GPM6A: variants seen among roughly 807,000 people sequenced by gnomAD.
The protein encoded by GPM6A is neuronal membrane glycoprotein M6-a.
GPM6A carries 7 observed loss-of-function variants against 32.1 expected under a neutral mutation model. The observed-to-expected ratio is 0.22, with a 90% CI of 0.12 to 0.41. The LOEUF (loss-of-function observed/expected upper bound fraction) is 0.41. Among genes scored for constraint, GPM6A ranks in the 10% least tolerant of loss-of-function variants. The pLI is 1.00. For synonymous variants in GPM6A, 130 were observed against 123.4 expected, an observed-to-expected ratio of 1.05 and a Z score of -0.35; for missense variants, 235 against 347.2, an observed-to-expected ratio of 0.68 and a Z score of 2.57.
chr4:175,955,243 T>C (rs1739947787), intron 1 of GPM6A, among the ~76,000 whole-genome samples: 2 of 152,192 alleles, frequency 1.3e-5, no homozygotes, highest in Non-Finnish European at 2.9e-5. Context: ...CTGGGGTCCA[T>C]GGGAGAAAGG....
intron 1 of GPM6A, among the ~76,000 whole-genome samples, chr4:175,858,996 A>T (rs1486949787): frequency 6.6e-6 from 1 of 152,246 alleles, no homozygotes; most frequent in African/African-American, 2.4e-5. Flanking sequence ...GATTTCATTT[A>T]TCTGAAATTC....
intron 1 of GPM6A, among the ~76,000 whole-genome samples, chr4:175,720,469 A>G (rs867267188): frequency 6.6e-6 from 1 of 152,226 alleles, no homozygotes; most frequent in African/African-American, 2.4e-5. Context: ...TAAATAAAAC[A>G]TTAGATCTTT....
intron 1 of GPM6A, among the ~76,000 whole-genome samples, chr4:175,810,749 G>T (rs1171118067): frequency 7.2e-5 from 11 of 152,128 alleles, no homozygotes. Context: ...AAAAGATGTT[G>T]TCATAAGGTA....
chr4:175,668,542 T>TGTGTGTGTGTGTGTGTGTGTGTGTGTG (rs1560863089), intron 3 of GPM6A, among the ~76,000 whole-genome samples: 29 of 151,600 alleles, frequency 1.9e-4, no homozygotes, highest in South Asian at 4.2e-4. Context: ...TGTGTGTGTG[T>TGTGTGTGTGTGTGTGTGTGTGTGTGTG]TTATTTTAAA....
chr4:175,702,701 G>C (rs1477651395), intron 1 of GPM6A, among the ~76,000 whole-genome samples: 1 of 152,082 alleles, frequency 6.6e-6, no homozygotes, highest in Non-Finnish European at 1.5e-5. Context: ...ATTTTTAGTA[G>C]AGACAGGGTT....
At chr4:175,950,393 T>C (rs1739767271) in intron 1 of GPM6A, among the ~76,000 whole-genome samples, 1 of 152,174 alleles carries the variant, frequency 6.6e-6, no homozygotes, top group Non-Finnish European at 1.5e-5. Context: ...TCCAAGCACA[T>C]AATATGTTCT....
intron 1 of GPM6A, among the ~76,000 whole-genome samples, chr4:175,716,646 A>C (rs966329476): frequency 1.3e-5 from 2 of 152,178 alleles, no homozygotes; most frequent in African/African-American, 4.8e-5. Flanking sequence ...ACACAAACAC[A>C]CAAAACAACA....
chr4:175,962,017 A>G, intron 1 of GPM6A: 2 of 590,002 alleles, frequency 3.4e-6, no homozygotes, highest in Non-Finnish European at 3.1e-6. Flanking sequence ...ACAACTGAAA[A>G]TGTTCACGTC....
chr4:175,885,767 C>A (rs77774984), intron 1 of GPM6A, among the ~76,000 whole-genome samples: 1 of 152,126 alleles, frequency 6.6e-6, no homozygotes, highest in African/African-American at 2.4e-5. Flanking sequence ...TAGTCTTAAT[C>A]GGGGTGGTGG....
intron 1 of GPM6A, among the ~76,000 whole-genome samples, chr4:175,930,584 T>A (rs1377814038): frequency 6.6e-6 from 1 of 152,048 alleles, no homozygotes; most frequent in East Asian, 1.9e-4. Context: ...AGAACCTTTT[T>A]TTGCTTGGTG....
intron 1 of GPM6A, among the ~76,000 whole-genome samples, chr4:175,867,110 T>A (rs1579579931): frequency 6.6e-6 from 1 of 152,208 alleles, no homozygotes; most frequent in African/African-American, 2.4e-5. Context: ...ATTTTTAAAT[T>A]TCTTCCTGTC....
chr4:175,834,230 C>A (rs1560956840), intron 1 of GPM6A, among the ~76,000 whole-genome samples: 1 of 152,154 alleles, frequency 6.6e-6, no homozygotes, highest in Non-Finnish European at 1.5e-5. Flanking sequence ...TAGAATGTCC[C>A]TACGCCTCAA....
At chr4:175,999,461 A>G (rs1182292693) in intron 1 of GPM6A, among the ~76,000 whole-genome samples, 4 of 152,326 alleles carry the variant, frequency 2.6e-5, no homozygotes, top group South Asian at 2.1e-4. Context: ...GAGGACATCA[A>G]TGAGGAAATC....
chr4:175,820,775 A>G (rs1017281230), intron 1 of GPM6A, among the ~76,000 whole-genome samples: 2 of 152,148 alleles, frequency 1.3e-5, no homozygotes, highest in Non-Finnish European at 2.9e-5. Flanking sequence ...CTGGGATTAC[A>G]GGCATGAGCC....
chr4:175,858,538 A>G (rs1396972169), intron 1 of GPM6A, among the ~76,000 whole-genome samples: 1 of 148,718 alleles, frequency 6.7e-6, no homozygotes, highest in Non-Finnish European at 1.5e-5. Context: ...TTTCAAAAAA[A>G]AAAAAAAGAA....
At chr4:175,738,611 T>C (rs547059261) in intron 1 of GPM6A, among the ~76,000 whole-genome samples, 2 of 151,434 alleles carry the variant, frequency 1.3e-5, no homozygotes, top group South Asian at 4.2e-4. Flanking sequence ...ATGGGAAAAA[T>C]AGAGGGCTCA....
At chr4:175,729,909 A>AATAT (rs201172135) in intron 1 of GPM6A, among the ~76,000 whole-genome samples, 1 of 146,752 alleles carries the variant, frequency 6.8e-6, no homozygotes, top group African/African-American at 2.5e-5. Flanking sequence ...GTATTCAAAT[A>AATAT]ATATATATAT....
chr4:175,853,504 C>CTT (rs70962425), intron 1 of GPM6A, among the ~76,000 whole-genome samples: 8,105 of 137,610 alleles, frequency 0.059, 666 homozygotes, highest in African/African-American at 0.19. Context: ...CAAACAAGTT[C>CTT]TTTTTTTTTT....
chr4:175,700,189 A>C, intron 2 of GPM6A, among the ~76,000 whole-genome samples: 1 of 152,046 alleles, frequency 6.6e-6, no homozygotes, highest in Non-Finnish European at 1.5e-5. Flanking sequence ...TTTCATTTTC[A>C]GGGGAAATTA....
Sources: gnomAD v4.1 joint callset for allele counts (sites outside exome capture counted in the v4.1 genomes callset) on GRCh38, gnomAD v4.1.1 for gene constraint, MANE v1.5 for transcripts, NCBI Gene and HGNC (gene_info 2026-07-23, HGNC 2026-07-21) for gene names.